NXPH1: variants seen among roughly 807,000 people sequenced by gnomAD.
NXPH1 encodes the protein neurexophilin-1.
In NXPH1, 5 loss-of-function variants were observed where a neutral mutation model predicts 23.7. That is an observed-to-expected ratio of 0.21 (90% CI 0.11 to 0.44). The LOEUF (loss-of-function observed/expected upper bound fraction) is 0.44, where lower values mean the gene tolerates loss of function less well. Among genes scored for constraint, NXPH1 ranks in the 20% least tolerant of loss-of-function variants. The probability of loss-of-function intolerance (pLI) is 0.99; values close to 1 mark genes in which losing one functional copy is unlikely to be tolerated. For synonymous variants in NXPH1, 144 were observed against 122.2 expected (o/e 1.18, Z -1.18); for missense variants, 324 against 321.6 (o/e 1.01, Z -0.06).
intron 2 of NXPH1, among the ~76,000 whole-genome samples, chr7:8,494,785 G>A (rs1817309220): frequency 1.3e-5 from 2 of 152,026 alleles, no homozygotes; most frequent in African/African-American, 4.8e-5. Context: ...ATCTGCATAT[G>A]CATATAGAAT....
At chr7:8,525,015 G>A (rs1056894995) in intron 2 of NXPH1, among the ~76,000 whole-genome samples, 16 of 152,198 alleles carry the variant, frequency 1.1e-4, no homozygotes, top group Admixed American at 3.9e-4. Flanking sequence ...ACAGGCTTAG[G>A]TTAGAACAAT....
At chr7:8,509,114 A>G (rs1383794794) in intron 2 of NXPH1, among the ~76,000 whole-genome samples, 2 of 152,130 alleles carry the variant, frequency 1.3e-5, no homozygotes, top group African/African-American at 4.8e-5. Context: ...TATCTTTATT[A>G]AATGACATTA....
At chr7:8,593,754 G>A (rs913638341) in intron 2 of NXPH1, among the ~76,000 whole-genome samples, 9 of 151,962 alleles carry the variant, frequency 5.9e-5, no homozygotes, top group South Asian at 2.1e-4. Flanking sequence ...CAAAACTGTC[G>A]TTAACATGTA....
chr7:8,591,702 C>T (rs558432494), intron 2 of NXPH1, among the ~76,000 whole-genome samples: 14 of 152,078 alleles, frequency 9.2e-5, no homozygotes, highest in Admixed American at 7.9e-4. Context: ...AGTTTTATTT[C>T]CCCTGGCACC....
chr7:8,509,060 G>A (rs749827718), intron 2 of NXPH1, among the ~76,000 whole-genome samples: 5 of 152,076 alleles, frequency 3.3e-5, no homozygotes, highest in Non-Finnish European at 5.9e-5. Flanking sequence ...AAGGAGGCAT[G>A]AAGCACCATG....
At chr7:8,437,707 G>T (rs551376065) in intron 2 of NXPH1, among the ~76,000 whole-genome samples, 5 of 152,214 alleles carry the variant, frequency 3.3e-5, no homozygotes, top group Non-Finnish European at 7.3e-5. Context: ...ATTCTAATGC[G>T]CTGCGTTCTC....
intron 2 of NXPH1, among the ~76,000 whole-genome samples, chr7:8,450,090 G>A (rs1816479265): frequency 6.6e-6 from 1 of 152,196 alleles, no homozygotes; most frequent in African/African-American, 2.4e-5. Flanking sequence ...GTCATCTGTA[G>A]TAGATTTAAA....
intron 2 of NXPH1, among the ~76,000 whole-genome samples, chr7:8,471,053 C>A (rs768923514): frequency 6.6e-6 from 1 of 151,986 alleles, no homozygotes; most frequent in African/African-American, 2.4e-5. Context: ...GGGTAGTGGG[C>A]AGATACAAAG....
chr7:8,724,512 G>C (rs1030966495), intron 2 of NXPH1, among the ~76,000 whole-genome samples: 2 of 152,200 alleles, frequency 1.3e-5, no homozygotes, highest in Non-Finnish European at 2.9e-5. Context: ...TACATTAAAA[G>C]AGGGTTGAGG....
chr7:8,597,857 T>A (rs907497717), intron 2 of NXPH1, among the ~76,000 whole-genome samples: 2 of 152,112 alleles, frequency 1.3e-5, no homozygotes, highest in African/African-American at 4.8e-5. Flanking sequence ...TTTGGCCAAT[T>A]GAAATGCCCT....
chr7:8,617,464 C>G (rs531237355), intron 2 of NXPH1, among the ~76,000 whole-genome samples: 1 of 152,130 alleles, frequency 6.6e-6, no homozygotes, highest in East Asian at 1.9e-4. Flanking sequence ...CAATGGAGTA[C>G]TATTCAGCCA....
chr7:8,518,409 T>G (rs1251191576), intron 2 of NXPH1, among the ~76,000 whole-genome samples: 2 of 151,680 alleles, frequency 1.3e-5, no homozygotes, highest in African/African-American at 2.4e-5. Flanking sequence ...ACCTAACACA[T>G]AAAATTATTA....
At chr7:8,679,304 A>G (rs1289002288) in intron 2 of NXPH1, among the ~76,000 whole-genome samples, 1 of 152,162 alleles carries the variant, frequency 6.6e-6, no homozygotes, top group African/African-American at 2.4e-5. Flanking sequence ...TGTAAAGAAC[A>G]CGTTCAAGTG....
At chr7:8,495,939 T>C (rs568375792) in intron 2 of NXPH1, among the ~76,000 whole-genome samples, 1 of 152,126 alleles carries the variant, frequency 6.6e-6, no homozygotes, top group South Asian at 2.1e-4. Flanking sequence ...GAGAGAACTA[T>C]TGTGGGCTTG....
intron 2 of NXPH1, among the ~76,000 whole-genome samples, chr7:8,486,859 A>G (rs998746784): frequency 2.0e-5 from 3 of 152,230 alleles, no homozygotes; most frequent in African/African-American, 7.2e-5. Context: ...GATTAAATAT[A>G]ACTTCCTTAG....
intron 2 of NXPH1, among the ~76,000 whole-genome samples, chr7:8,515,847 A>G (rs1817678101): frequency 6.6e-6 from 1 of 152,144 alleles, no homozygotes; most frequent in South Asian, 2.1e-4. Context: ...AATTGAATTA[A>G]ATACTAATTT....
chr7:8,661,254 A>T (rs1468832583), intron 2 of NXPH1, among the ~76,000 whole-genome samples: 1 of 152,140 alleles, frequency 6.6e-6, no homozygotes, highest in Non-Finnish European at 1.5e-5. Context: ...ATTGTTGGAG[A>T]ACAATTTGAA....
At chr7:8,689,011 C>G (rs1821188625) in intron 2 of NXPH1, among the ~76,000 whole-genome samples, 1 of 152,068 alleles carries the variant, frequency 6.6e-6, no homozygotes, top group South Asian at 2.1e-4. Flanking sequence ...TATTACAGCA[C>G]CAAATTCATA....
chr7:8,518,326 A>C (rs954366875), intron 2 of NXPH1, among the ~76,000 whole-genome samples: 25 of 152,126 alleles, frequency 1.6e-4, no homozygotes, highest in Non-Finnish European at 1.0e-4. Flanking sequence ...GTCCCAAATA[A>C]GAGTAGCATA....
Sources: gnomAD v4.1 joint callset for allele counts (sites outside exome capture counted in the v4.1 genomes callset) on GRCh38, gnomAD v4.1.1 for gene constraint, MANE v1.5 for transcripts, NCBI Gene and HGNC (gene_info 2026-07-23, HGNC 2026-07-21) for gene names.